The following PHACTR4 variants were observed in gnomAD, a reference collection of about 807,000 sequenced individuals.
PHACTR4 encodes the protein protein phosphatase 1, regulatory subunit 124.
A neutral mutation model predicts 72.7 loss-of-function variants in PHACTR4; 51 were observed. The observed-to-expected ratio is 0.70, with a 90% CI of 0.56 to 0.89. The LOEUF is 0.89. Among genes scored for constraint, PHACTR4 ranks in the 40% least tolerant of loss-of-function variants. The probability of loss-of-function intolerance (pLI) is 0.00; values close to 1 mark genes in which losing one functional copy is unlikely to be tolerated. For missense variants in PHACTR4, 731 were observed against 861.8 expected (o/e 0.85, Z 1.90); for synonymous variants, 255 against 302.5 (o/e 0.84, Z 1.63).
intron 2 of PHACTR4, among the ~76,000 whole-genome samples, chr1:28,441,863 T>C (rs1657059387): frequency 6.6e-6 from 1 of 152,026 alleles, no homozygotes; most frequent in Non-Finnish European, 1.5e-5. Context: ...GTGGTGGTAC[T>C]TATCTGTAGT....
At chr1:28,394,329 A>G (rs1178506554) in intron 1 of PHACTR4, among the ~76,000 whole-genome samples, 1 of 151,368 alleles carries the variant, frequency 6.6e-6, no homozygotes, top group African/African-American at 2.4e-5. Context: ...AGAGAGACAG[A>G]GCAGAGAGAG....
At chr1:28,375,687 CA>C (rs1651602134) in intron 1 of PHACTR4, among the ~76,000 whole-genome samples, 2 of 151,910 alleles carry the variant, frequency 1.3e-5, no homozygotes, top group African/African-American at 2.4e-5. Context: ...GACCCTGTTT[CA>C]AAAAATAAGT....
intron 2 of PHACTR4, among the ~76,000 whole-genome samples, chr1:28,421,110 A>G (rs114398441): frequency 0.01 from 1,597 of 152,300 alleles, 27 homozygotes; most frequent in African/African-American, 0.037. Context: ...TACAGTCAAA[A>G]CAACGTCACT....
intron 2 of PHACTR4, among the ~76,000 whole-genome samples, chr1:28,420,470 G>A (rs888013373): frequency 6.6e-6 from 1 of 152,138 alleles, no homozygotes; most frequent in Non-Finnish European, 1.5e-5. Context: ...ATTATGGTAA[G>A]TTTCCTGAGG....
At chr1:28,487,525 A>G (rs972285531) in intron 9 of PHACTR4, among the ~76,000 whole-genome samples, 4 of 148,596 alleles carry the variant, frequency 2.7e-5, no homozygotes, top group Non-Finnish European at 4.5e-5. Context: ...ACACAAAAAA[A>G]AAAAAAAAAA....
rs557958697 is a variant in PHACTR4, at chr1:28,389,477, C to CT, written c.-38-17914dup. ...GGTGGAAATGTAAATTTGTATACTA[C>CT]TTTTTTTTTTTTTTTTTTTGAGACA... On this transcript the variant is annotated intron_variant, in intron 1 of 13. Transcript: ENST00000373839. Among the ~76,000 whole-genome samples the CT allele has an allele frequency of 2.4e-3, 316 of 129,794 alleles. 2 individuals are homozygous for CT. Among genetic ancestry groups the CT allele is most frequent in the East Asian group, 4.0e-3 (19 of 4,732 alleles). The allele number at this position is 129,794 out of a possible 152,430, so 85.1% of individuals were successfully genotyped here. A position where few individuals can be genotyped will look rare whatever the true frequency, so the allele number is the denominator to read the frequency against.
chr1:28,430,859 T>C (rs1006925905), intron 2 of PHACTR4, among the ~76,000 whole-genome samples: 2 of 152,140 alleles, frequency 1.3e-5, no homozygotes, highest in African/African-American at 4.8e-5. Flanking sequence ...CATTCTACTC[T>C]TGTGATTGAT....
Position 28,498,682 on chromosome 1 carries a change from T to A in PHACTR4, c.*2133T>A, listed in dbSNP as rs900074111. On this transcript the variant is annotated 3_prime_UTR_variant, in exon 14 of 14. Transcript: ENST00000373839. The stretch of plus-strand genomic sequence containing the variant: ...ATTTCATAGATTTCTTCTGATTTAT[T>A]CTGTGGGTCCCTGTTATCTGTTCTT... 1 of 152,170 alleles carries A rather than the reference T, an allele frequency of 6.6e-6. No homozygotes were observed. Among genetic ancestry groups the A allele is most frequent in the Non-Finnish European group, 1.5e-5 (1 of 68,044 alleles). 9.4% of individuals were successfully genotyped at this position (152,170 alleles called of 1,614,324 possible).
chr1:28,484,306 G>A (rs1228980259), intron 9 of PHACTR4, among the ~76,000 whole-genome samples: 1 of 152,044 alleles, frequency 6.6e-6, no homozygotes, highest in Non-Finnish European at 1.5e-5. Context: ...GGACGACAGA[G>A]TAAGACTCCA....
At position 28,451,891 on chromosome 1, in the gene PHACTR4, C is replaced by G. The variant is rs371842436; in HGVS notation, c.17-7194C>G. 1.6e-3 allele frequency among the ~76,000 whole-genome samples: 248 copies of G among 152,112 alleles called. 10 individuals are homozygous for G. The South Asian group carries it at 0.048, about 30-fold the overall frequency. ...TGGGCTCAAGTGATCCCCACTACCT[C>G]GACCTCCCAGAGTGCTAGGATTAAA... is the stretch of plus-strand genomic sequence containing the variant. On this transcript the variant is annotated intron_variant, in intron 2 of 13. Transcript: ENST00000373839.
chr1:28,477,374 A>T (rs1057433078), intron 8 of PHACTR4, among the ~76,000 whole-genome samples: 3 of 150,812 alleles, frequency 2.0e-5, no homozygotes, highest in Non-Finnish European at 4.4e-5. Context: ...CACTGTGCCC[A>T]GCTGCCCAGG....
At chr1:28,383,135 T>A (rs931083901) in intron 1 of PHACTR4, among the ~76,000 whole-genome samples, 8 of 152,184 alleles carry the variant, frequency 5.3e-5, no homozygotes, top group Non-Finnish European at 1.0e-4. Context: ...ATTGCCTATT[T>A]TTGTCTGGCT....
chr1:28,436,082 CT>C (rs1656613415), intron 2 of PHACTR4, among the ~76,000 whole-genome samples: 1 of 151,818 alleles, frequency 6.6e-6, no homozygotes, highest in Non-Finnish European at 1.5e-5. Flanking sequence ...TATTTGTTAC[CT>C]TTGCTGTTTT....
In PHACTR4 at chr1:28,498,875, C is replaced by CTGACCAA. The variant is rs1013655078; in HGVS notation, c.*2327_*2333dup. The CTGACCAA allele has an allele frequency of 1.4e-5, 2 of 148,004 alleles. No homozygotes were observed. Among genetic ancestry groups the CTGACCAA allele is most frequent in the African/African-American group, 5.2e-5 (2 of 38,250 alleles). 9.2% of individuals were successfully genotyped at this position (148,004 alleles called of 1,614,324 possible). ...AGGCGGTCAGGAGTTTGAGACCAGC[C>CTGACCAA]TGACCAACATGATGAAACCCTGTCT... On this transcript the variant is annotated 3_prime_UTR_variant, in exon 14 of 14. Coordinates refer to ENST00000373839, the MANE Select transcript of PHACTR4 (RefSeq NM_001048183.3).
chr1:28,432,073 G>C (rs1459908664), intron 2 of PHACTR4, among the ~76,000 whole-genome samples: 2 of 152,118 alleles, frequency 1.3e-5, no homozygotes, highest in African/African-American at 4.8e-5. Flanking sequence ...GCTGGGTGTG[G>C]TGGCTCACGC....
intron 1 of PHACTR4, among the ~76,000 whole-genome samples, chr1:28,387,962 A>C (rs1652696875): frequency 6.6e-6 from 1 of 151,970 alleles, no homozygotes; most frequent in African/African-American, 2.4e-5. Flanking sequence ...TCCTAACCTC[A>C]GGTGATCCAC....
At chr1:28,484,337 A>G (rs888719653) in intron 9 of PHACTR4, among the ~76,000 whole-genome samples, 7 of 151,954 alleles carry the variant, frequency 4.6e-5, no homozygotes, top group African/African-American at 1.7e-4. Flanking sequence ...TAATAAATAA[A>G]ATAGCCAGGC....
intron 2 of PHACTR4, among the ~76,000 whole-genome samples, chr1:28,450,265 T>G (rs567678532): frequency 6.6e-6 from 1 of 151,968 alleles, no homozygotes; most frequent in South Asian, 2.1e-4. Flanking sequence ...CACCCTGATT[T>G]CTGGCAAACA....
At chr1:28,407,339 AT>A (rs1466432420) in intron 1 of PHACTR4, 70 bp from the exon 2 acceptor site, 7 of 757,462 alleles carry the variant, frequency 9.2e-6, no homozygotes, top group Non-Finnish European at 2.1e-6. Flanking sequence ...AATTAGGATT[AT>A]TTTTTTAAAA....
Sources: allele counts gnomAD v4.1 joint callset (sites outside exome capture counted in the v4.1 genomes callset), GRCh38; gene constraint gnomAD v4.1.1; transcripts MANE v1.5; gene names NCBI Gene and HGNC (gene_info 2026-07-23, HGNC 2026-07-21).